The following MAP10 variants were observed in gnomAD, a reference collection of about 807,000 sequenced individuals.
MAP10 encodes microtubule-associated protein 10.
MAP10 carries 10 observed loss-of-function variants against 6.3 expected under a neutral mutation model. The observed-to-expected ratio is 1.58, with a 90% CI of 0.98 to 2.69. The LOEUF is 2.69. Ranked by LOEUF, MAP10 falls within the 30% of genes most tolerant of loss-of-function variation. The pLI is 0.00. For synonymous variants in MAP10, 459 were observed against 429.3 expected (o/e 1.07, Z -0.86); for missense variants, 1,189 against 1,086.5 (o/e 1.09, Z -1.33).
rs1666126042 is a variant in MAP10 at position 232,807,413 on chromosome 1, T to C, written c.1964T>C (p.Val655Ala). The C allele has an allele frequency of 6.2e-7, 1 of 1,613,698 alleles. No individual in the cohort carries two copies. Among genetic ancestry groups the C allele is most frequent in the African/African-American group, 1.3e-5 (1 of 74,924 alleles). The change falls in exon 1 of 1, where the codon GTT becomes GCT. Residue 655 changes from valine to alanine, a missense_variant. Physicochemically the swap from Val to Ala is moderately conservative, Grantham distance 64. Transcript: ENST00000418460. The part of the protein sequence containing the change: ...QSPCVFQQDA[V>A]VDRIVDKEID... ...CCATGTGTTTTCCAACAGGATGCTG[T>C]TGTTGACAGAATTGTAGATAAGGAA...
rs370324316 is a variant in MAP10 at position 232,805,463 on chromosome 1, T to C, written c.14T>C (p.Leu5Pro). ...GGGGCAACAGCAATGGCGGCCTCGC[T>C]GTCCGAGCGGCTCTTCTCGCTGGAG... is the stretch of plus-strand genomic sequence containing the variant. Reference protein sequence around the residue: MAASLSERLFSLELL... With the variant: MAASPSERLFSLELL... The change falls in exon 1 of 1, where the codon CTG becomes CCG. Residue 5 changes from leucine (L) to proline (P), a missense_variant. Leu to Pro is a moderately conservative substitution (Grantham distance 98). Coordinates refer to ENST00000418460, the MANE Select transcript of MAP10 (RefSeq NM_019090.3). 1 of 1,603,508 alleles carries C rather than the reference T, an allele frequency of 6.2e-7. No individual in the cohort carries two copies. The highest frequency in any genetic ancestry group is 8.5e-7 in the Non-Finnish European group (1 of 1,175,034).
Position 232,807,573 on chromosome 1 carries a change from C to T in MAP10, c.2124C>T (p.Cys708=), listed in dbSNP as rs758655560. The change falls in exon 1 of 1, where the codon TGC becomes TGT. Residue 708 remains cysteine, a synonymous_variant. Coordinates refer to ENST00000418460, the MANE Select transcript of MAP10 (RefSeq NM_019090.3). ...LKYSDDLSSP[C]YSEDFCTSED... ...ATTCAGATGATTTGTCTAGCCCTTGCTATTCTGAAGATTTCTGTACCAGTG... is the reference window on the plus strand; with the variant it reads ...ATTCAGATGATTTGTCTAGCCCTTGTTATTCTGAAGATTTCTGTACCAGTG... The T allele has an allele frequency of 1.2e-6, 2 of 1,611,548 alleles. No homozygotes were observed. Among genetic ancestry groups the T allele is most frequent in the Admixed American group, 1.7e-5 (1 of 59,626 alleles).
Position 232,808,276 on chromosome 1 carries a change from T to A in MAP10, c.*109T>A. 1 of 609,834 alleles carries A rather than the reference T, an allele frequency of 1.6e-6. No individual in the cohort carries two copies. Among genetic ancestry groups the A allele is most frequent in the Non-Finnish European group, 2.7e-6 (1 of 375,888 alleles). The allele number at this position is 609,834 out of a possible 1,614,324, so 37.8% of individuals were successfully genotyped here. A position where few individuals can be genotyped will look rare whatever the true frequency, so the allele number is the denominator to read the frequency against. On this transcript the variant is annotated 3_prime_UTR_variant, in exon 1 of 1. Coordinates refer to ENST00000418460, the MANE Select transcript of MAP10 (RefSeq NM_019090.3). Reference sequence around the variant, plus strand: ...ATGTGAATAATTTTTTAAAGAAATATGAATTAACGTTATTCCTTTGATGTT... The same window carrying A: ...ATGTGAATAATTTTTTAAAGAAATAAGAATTAACGTTATTCCTTTGATGTT...
At position 232,806,494 on chromosome 1, in the gene MAP10, A is replaced by T; in HGVS notation, c.1045A>T (p.Arg349Trp). The stretch of plus-strand genomic sequence containing the variant: ...AAAGCGTGTAAATCCCCCAGCACAC[A>T]GGAGTTGTCTAAAGCATCCAAGTTC... ...EKKRVNPPAH[R>W]SCLKHPSSAA... Residue 349 changes from arginine (R) to tryptophan (W), a missense_variant, in exon 1 of 1, where the codon AGG (arginine) becomes TGG (tryptophan). Transcript: ENST00000418460. 6.2e-7 allele frequency: 1 copy of T among 1,613,966 alleles called. No homozygotes were observed. Among genetic ancestry groups the T allele is most frequent in the Middle Eastern group, 1.6e-4 (1 of 6,062 alleles).
rs1192512614 is a variant in MAP10 at position 232,808,659 on chromosome 1, A to G, written c.*492A>G. Among the ~76,000 whole-genome samples the G allele has an allele frequency of 6.6e-6, 1 of 152,162 alleles. No homozygotes were observed. The highest frequency in any genetic ancestry group is 1.9e-4 in the East Asian group (1 of 5,202). On this transcript the variant is annotated 3_prime_UTR_variant, in exon 1 of 1. Coordinates refer to ENST00000418460, the MANE Select transcript of MAP10 (RefSeq NM_019090.3). ...GTCTTCCTTGACATATACATATCCC[A>G]TATCCCCAATAGGTGAAGTTGCTTT...
At chr1:232,806,425 C>T in the MAP10 span, 5 of 1,613,860 alleles carry the variant, frequency 3.1e-6, no homozygotes, top group Non-Finnish European at 4.2e-6. Flanking sequence ...CATTGAGCCT[C>T]AAATGAATGC....
Position 232,805,802 on chromosome 1 carries a change from T to A in MAP10, c.353T>A (p.Leu118Gln). Residue 118 changes from leucine (L) to glutamine (Q), a missense_variant, in exon 1 of 1, where the codon CTG becomes CAG. Coordinates refer to ENST00000418460, the MANE Select transcript of MAP10 (RefSeq NM_019090.3). ...CGGACCCCGCTTGCCACCTTGCTGC[T>A]GCAGCTGCCCCCTGGGCGCCCGACG... Reference protein sequence around the residue: ...LLRTPLATLLLQLPPGRPTPT... With the variant: ...LLRTPLATLLQQLPPGRPTPT... 1.3e-6 allele frequency: 2 copies of A among 1,597,360 alleles called. No homozygotes were observed. The highest frequency in any genetic ancestry group is 1.7e-6 in the Non-Finnish European group (2 of 1,172,484).
Position 232,805,813 on chromosome 1 carries a change from C to T in MAP10, c.364C>T (p.Pro122Ser), listed in dbSNP as rs533356605. ...TGCCACCTTGCTGCTGCAGCTGCCC[C>T]CTGGGCGCCCGACGCCCACCCCACA... Reference protein sequence around the residue: ...PLATLLLQLPPGRPTPTPQLL... With the variant: ...PLATLLLQLPSGRPTPTPQLL... Residue 122 changes from proline to serine, a missense_variant, in exon 1 of 1, where the codon CCT becomes TCT. Coordinates refer to ENST00000418460, the MANE Select transcript of MAP10 (RefSeq NM_019090.3). 11 of 1,593,552 alleles carry T rather than the reference C, an allele frequency of 6.9e-6. No homozygotes were observed. The South Asian group carries it at 1.0e-4, about 15-fold the overall frequency.
rs1354518944 is a variant in MAP10, at chr1:232,807,271, A to T, written c.1822A>T (p.Asn608Tyr). Residue 608 changes from asparagine (N) to tyrosine (Y), a missense_variant, in exon 1 of 1, where the codon AAT (asparagine) becomes TAT (tyrosine). Asn to Tyr is a moderately radical substitution (Grantham distance 143, BLOSUM62 -2). Coordinates refer to ENST00000418460, the MANE Select transcript of MAP10 (RefSeq NM_019090.3). ...AAAAAAGACAGTTGATTGTAGTAAA[A>T]ATAGAATCAATAATGTTTCATTGGA... is the stretch of plus-strand genomic sequence containing the variant. Reference protein sequence around the residue: ...TEKKTVDCSKNRINNVSLEEV... With the variant: ...TEKKTVDCSKYRINNVSLEEV... 6.2e-7 allele frequency: 1 copy of T among 1,613,324 alleles called. No individual in the cohort carries two copies. The highest frequency in any genetic ancestry group is 8.5e-7 in the Non-Finnish European group (1 of 1,179,728).
At position 232,806,837 on chromosome 1, in the gene MAP10, T is replaced by G; in HGVS notation, c.1388T>G (p.Leu463Arg). 1 of 1,613,150 alleles carries G rather than the reference T, an allele frequency of 6.2e-7. No homozygotes were observed. Among genetic ancestry groups the G allele is most frequent in the Non-Finnish European group, 8.5e-7 (1 of 1,179,628 alleles). Residue 463 changes from leucine (L) to arginine (R), a missense_variant, in exon 1 of 1, where the codon CTT becomes CGT. Physicochemically the swap from Leu to Arg is moderately radical, Grantham distance 102 (BLOSUM62 -2). Transcript: ENST00000418460. ...GGGGGATGTGAAAAGTCAGTGAGTC[T>G]TCAGTATAAAAAGAACCAAATTGAA... ...SVGGCEKSVS[L>R]QYKKNQIENY... is the part of the protein sequence containing the mutation.
chr1:232,807,200 A>G lies in MAP10; in HGVS notation c.1751A>G (p.Asp584Gly), dbSNP rs779986378. ...DTSRQISGVF[D>G]EPSTSKETKL... ...TCAAGACAAATCAGTGGAGTTTTTG[A>G]TGAGCCCAGCACAAGTAAAGAAACT... The change falls in exon 1 of 1, where the codon GAT becomes GGT. Residue 584 changes from aspartate (D) to glycine (G), a missense_variant. Asp to Gly is a moderately conservative substitution (Grantham distance 94). Transcript: ENST00000418460. 2.4e-5 allele frequency: 38 copies of G among 1,613,692 alleles called. No homozygotes were observed. The highest frequency in any genetic ancestry group is 3.2e-5 in the Non-Finnish European group (38 of 1,179,730).
In MAP10 at chr1:232,805,617, C is replaced by T. The variant is rs1207823954; in HGVS notation, c.168C>T (p.Ala56=). ...CGTCGCCGCGCGGTCTGTGCCCCGC[C>T]GTGGCCTTCCGCCTGCTGGACTTCC... ...EASSPRGLCP[A]VAFRLLDFPT... is the part of the protein sequence containing the mutation. Residue 56 remains alanine (A), a synonymous_variant, in exon 1 of 1, where the codon GCC becomes GCT. Coordinates refer to ENST00000418460, the MANE Select transcript of MAP10 (RefSeq NM_019090.3). 6 of 1,566,864 alleles carry T rather than the reference C, an allele frequency of 3.8e-6. No individual in the cohort carries two copies. The highest frequency in any genetic ancestry group is 1.2e-5 in the South Asian group (1 of 86,328).
In MAP10 at chr1:232,806,400, A is replaced by C; in HGVS notation, c.951A>C (p.Ala317=). ...TGACCCAAGAAAAACCGCCCCCTGC[A>C]CAGGCTAAAATCACCATTGAGCCTC... ...TNLTQEKPPP[A]QAKITIEPQM... Residue 317 remains alanine, a synonymous_variant, in exon 1 of 1, where the codon GCA becomes GCC. Transcript: ENST00000418460. The C allele has an allele frequency of 6.2e-7, 1 of 1,613,918 alleles. No individual in the cohort carries two copies. The highest frequency in any genetic ancestry group is 1.1e-5 in the South Asian group (1 of 91,072).
rs1666085180 is a variant in MAP10, at chr1:232,805,695, G to A, written c.246G>A (p.Pro82=). The A allele has an allele frequency of 1.9e-6, 3 of 1,604,006 alleles. No homozygotes were observed. The highest frequency in any genetic ancestry group is 2.2e-5 in the South Asian group (2 of 90,812). The part of the protein sequence containing the change: ...PDGPGAPAAE[P]WPGVIRFGRG... ...GCCCCGGCGCTCCCGCCGCCGAACC[G>A]TGGCCCGGTGTCATCCGCTTCGGTC... Residue 82 remains proline (P), a synonymous_variant, in exon 1 of 1, where the codon CCG becomes CCA. Coordinates refer to ENST00000418460, the MANE Select transcript of MAP10 (RefSeq NM_019090.3).
Position 232,806,592 on chromosome 1 carries a change from A to G in MAP10, c.1143A>G (p.Thr381=). The part of the protein sequence containing the change: ...HIQNIGATNQ[T]CQTEQNRINT... ...AGAATATAGGAGCAACTAATCAAAC[A>G]TGTCAAACTGAACAAAATCGAATTA... Residue 381 remains threonine, a synonymous_variant, in exon 1 of 1, where the codon ACA becomes ACG. Coordinates refer to ENST00000418460, the MANE Select transcript of MAP10 (RefSeq NM_019090.3). The G allele has an allele frequency of 6.2e-7, 1 of 1,613,922 alleles. No homozygotes were observed. Among genetic ancestry groups the G allele is most frequent in the Non-Finnish European group, 8.5e-7 (1 of 1,179,840 alleles).
rs759236298 is a variant in MAP10 at position 232,807,522 on chromosome 1, C to G, written c.2073C>G (p.Cys691Trp). 4 of 1,613,672 alleles carry G rather than the reference C, an allele frequency of 2.5e-6. No homozygotes were observed. In the South Asian group the frequency reaches 4.4e-5, roughly 18 times the overall value. ...ACAAGAGAACAGGTAAAAATAGTTG[C>G]TATGAAAACATCTCAGAACTGAAGT... The part of the protein sequence containing the change: ...ISDKRTGKNS[C>W]YENISELKYS... Residue 691 changes from cysteine to tryptophan, a missense_variant, in exon 1 of 1, where the codon TGC (cysteine) becomes TGG (tryptophan). Coordinates refer to ENST00000418460, the MANE Select transcript of MAP10 (RefSeq NM_019090.3).
At position 232,807,145 on chromosome 1, in the gene MAP10, G is replaced by A. The variant is rs567855227; in HGVS notation, c.1696G>A (p.Asp566Asn). The change falls in exon 1 of 1, where the codon GAT becomes AAT. Residue 566 changes from aspartate (D) to asparagine (N), a missense_variant. Physicochemically the swap from Asp to Asn is conservative, Grantham distance 23 (BLOSUM62 1). Coordinates refer to ENST00000418460, the MANE Select transcript of MAP10 (RefSeq NM_019090.3). ...GCCTGAAGATAAGTATTTAGATTCA[G>A]ATGCATCTTTCACTGAAAATAGTGA... ...QLPEDKYLDSDASFTENSDTS... is the reference protein window; with the variant it reads ...QLPEDKYLDSNASFTENSDTS... The A allele has an allele frequency of 6.8e-6, 11 of 1,612,500 alleles. No homozygotes were observed. Among genetic ancestry groups the A allele is most frequent in the African/African-American group, 5.3e-5 (4 of 75,034 alleles).
the MAP10 span, chr1:232,805,960 CG>C: frequency 6.2e-7 from 1 of 1,613,086 alleles, no homozygotes; most frequent in Non-Finnish European, 8.5e-7. Flanking sequence ...AGTGGGCGAG[CG>C]GACTGGGGAC....
In MAP10 at chr1:232,809,188, T is replaced by C. The variant is rs996551441; in HGVS notation, c.*1021T>C. Among the ~76,000 whole-genome samples the C allele has an allele frequency of 1.3e-5, 2 of 152,112 alleles. No individual in the cohort carries two copies. Among genetic ancestry groups the C allele is most frequent in the African/African-American group, 4.8e-5 (2 of 41,454 alleles). ...AAATCCAGTGATAATTTATAATTTA[T>C]TCCATTGGTTTTATATTTAGACTTT... On this transcript the variant is annotated 3_prime_UTR_variant, in exon 1 of 1. Coordinates refer to ENST00000418460, the MANE Select transcript of MAP10 (RefSeq NM_019090.3).
Sources: gnomAD v4.1 joint callset for allele counts (sites outside exome capture counted in the v4.1 genomes callset) on GRCh38, gnomAD v4.1.1 for gene constraint, MANE v1.5 for transcripts, NCBI Gene and HGNC (gene_info 2026-07-23, HGNC 2026-07-21) for gene names.